KCNU1: variants seen among roughly 807,000 people sequenced by gnomAD.
The protein encoded by KCNU1 is potassium calcium-activated channel subfamily U member 1.
In KCNU1, 93 loss-of-function variants were observed where a neutral mutation model predicts 126.8. That is an observed-to-expected ratio of 0.73 (90% CI 0.62 to 0.87). The LOEUF (loss-of-function observed/expected upper bound fraction) is 0.87, where lower values mean the gene tolerates loss of function less well. Among genes scored for constraint, KCNU1 ranks in the 40% least tolerant of loss-of-function variants. The probability of loss-of-function intolerance (pLI) is 0.00; values close to 1 mark genes in which losing one functional copy is unlikely to be tolerated. For synonymous variants in KCNU1, 523 were observed against 494.2 expected, an observed-to-expected ratio of 1.06 and a Z score of -0.77; for missense variants, 1,330 against 1,367.1, an observed-to-expected ratio of 0.97 and a Z score of 0.43.
At chr8:36,894,932 G>C (rs1807125467) in intron 19 of KCNU1, among the ~76,000 whole-genome samples, 1 of 152,070 alleles carries the variant, frequency 6.6e-6, no homozygotes, top group Admixed American at 6.6e-5. Flanking sequence ...TTTATCATGA[G>C]TTATTGAACC....
chr8:36,836,346 T>C lies in KCNU1; in HGVS notation c.1346T>C (p.Ile449Thr). 2 of 1,602,416 alleles carry C rather than the reference T, an allele frequency of 1.2e-6. No homozygotes were observed. Among genetic ancestry groups the C allele is most frequent in the South Asian group, 1.1e-5 (1 of 90,866 alleles). The change falls in exon 13 of 27, where the codon ATA becomes ACA. Residue 449 changes from isoleucine to threonine, a missense_variant. Coordinates refer to ENST00000399881, the MANE Select transcript of KCNU1 (RefSeq NM_001031836.3). ...YDSTTRIIIQ[I>T]LQSHNKVYLP... ...TCTACCACCAGAATCATCATACAGA[T>C]ACTGCAATCCCATAACAAGGTATAG...
chr8:36,852,203 T>A (rs1805375087), intron 18 of KCNU1, among the ~76,000 whole-genome samples: 1 of 152,198 alleles, frequency 6.6e-6, no homozygotes, highest in Non-Finnish European at 1.5e-5. Flanking sequence ...ACTCACCTTG[T>A]ATTTCTGAGA....
chr8:36,815,156 T>C (rs1803862096), intron 8 of KCNU1, among the ~76,000 whole-genome samples: 1 of 151,962 alleles, frequency 6.6e-6, no homozygotes, highest in Admixed American at 6.6e-5. Flanking sequence ...CATGGAGGCA[T>C]TCCATCTCTA....
chr8:36,823,836 CTTTTTT>C (rs11364462), intron 10 of KCNU1, among the ~76,000 whole-genome samples: 1 of 129,402 alleles, frequency 7.7e-6, no homozygotes, highest in Non-Finnish European at 1.6e-5. Context: ...TTGTTCAAAC[CTTTTTT>C]TTTTTTTTTT....
intron 19 of KCNU1, among the ~76,000 whole-genome samples, chr8:36,867,371 C>A (rs1374511308): frequency 1.3e-5 from 2 of 152,080 alleles, no homozygotes; most frequent in Non-Finnish European, 2.9e-5. Context: ...AGCTAGCCAG[C>A]CTGACGAGAG....
Position 36,806,328 on chromosome 8 carries a change from C to A in KCNU1, c.528C>A (p.Ile176=). Residue 176 remains isoleucine (I), a synonymous_variant, in exon 5 of 27, where the codon ATC becomes ATA. Transcript: ENST00000399881. ...FWLEMNSIVD[I]FTIPPTFISY... ...TGGAGATGAATTCAATCGTAGACATCTTTACCATCCCACCAACCTTTATTT... is the reference window on the plus strand; with the variant it reads ...TGGAGATGAATTCAATCGTAGACATATTTACCATCCCACCAACCTTTATTT... 1.9e-6 allele frequency: 3 copies of A among 1,611,618 alleles called. No individual in the cohort carries two copies. Among genetic ancestry groups the A allele is most frequent in the East Asian group, 2.2e-5 (1 of 44,664 alleles).
chr8:36,794,051 C>T (rs1312274763), intron 2 of KCNU1, among the ~76,000 whole-genome samples: 1 of 107,014 alleles, frequency 9.3e-6, no homozygotes, highest in Non-Finnish European at 1.7e-5. Flanking sequence ...GAGACTCTGT[C>T]TCTCAAAAAA....
At chr8:36,828,765 C>T (rs1804417715) in intron 10 of KCNU1, among the ~76,000 whole-genome samples, 1 of 151,898 alleles carries the variant, frequency 6.6e-6, no homozygotes, top group Non-Finnish European at 1.5e-5. Context: ...TGTTTATGTG[C>T]ATTTGTGCTT....
chr8:36,790,219 CCA>C (rs1309776794), intron 2 of KCNU1, among the ~76,000 whole-genome samples: 1 of 151,876 alleles, frequency 6.6e-6, no homozygotes, highest in African/African-American at 2.4e-5. Flanking sequence ...ATGTAACAAA[CCA>C]CAAAGAAGAT....
intron 10 of KCNU1, 139 bp from the exon 11 acceptor site, chr8:36,833,415 A>G: frequency 2.2e-6 from 1 of 461,704 alleles, no homozygotes; most frequent in Non-Finnish European, 4.0e-6. Flanking sequence ...TTTTTAAAAA[A>G]ATAGTATTAA....
At chr8:36,785,670 A>G (rs1406509833) in intron 1 of KCNU1, among the ~76,000 whole-genome samples, 2 of 152,194 alleles carry the variant, frequency 1.3e-5, no homozygotes, top group Admixed American at 6.5e-5. Flanking sequence ...GGATACTGAC[A>G]TATGGGTAAA....
intron 19 of KCNU1, among the ~76,000 whole-genome samples, chr8:36,898,886 A>G (rs1328109457): frequency 2.6e-5 from 4 of 152,034 alleles, no homozygotes; most frequent in Non-Finnish European, 5.9e-5. Context: ...CCCTGAGCTG[A>G]GGGCACAGAC....
intron 11 of KCNU1, among the ~76,000 whole-genome samples, chr8:36,834,108 T>C (rs942068089): frequency 4.6e-5 from 7 of 152,160 alleles, no homozygotes; most frequent in Admixed American, 2.0e-4. Context: ...AGTAGAAATC[T>C]CATTAAAGTT....
At chr8:36,821,709 C>T (rs187650386) in intron 10 of KCNU1, among the ~76,000 whole-genome samples, 21 of 152,174 alleles carry the variant, frequency 1.4e-4, no homozygotes, top group Admixed American at 5.2e-4. Flanking sequence ...GTTTATGATG[C>T]TTTGACTTAA....
At chr8:36,824,462 A>G (rs1009325276) in intron 10 of KCNU1, among the ~76,000 whole-genome samples, 16 of 152,170 alleles carry the variant, frequency 1.1e-4, no homozygotes, top group African/African-American at 3.9e-4. Context: ...AAATGTTATT[A>G]TAGGCATGTA....
At chr8:36,931,703 C>G (rs1808707905) in intron 25 of KCNU1, among the ~76,000 whole-genome samples, 1 of 151,984 alleles carries the variant, frequency 6.6e-6, no homozygotes, top group Non-Finnish European at 1.5e-5. Flanking sequence ...CCTACTCTCC[C>G]TATACTTAAA....
chr8:36,933,203 G>A (rs1808754409), intron 26 of KCNU1, among the ~76,000 whole-genome samples, 171 bp downstream of exon 26: 1 of 151,910 alleles, frequency 6.6e-6, no homozygotes, highest in Non-Finnish European at 1.5e-5. Flanking sequence ...TAAACAAGGG[G>A]GACCTGAATA....
intron 7 of KCNU1, among the ~76,000 whole-genome samples, chr8:36,810,287 C>T (rs1256997274): frequency 1.3e-5 from 2 of 151,938 alleles, no homozygotes; most frequent in African/African-American, 4.8e-5. Context: ...TATAGCTTCT[C>T]CCTATGTACA....
intron 10 of KCNU1, among the ~76,000 whole-genome samples, chr8:36,820,152 C>A (rs1246719583): frequency 6.6e-6 from 1 of 152,160 alleles, no homozygotes; most frequent in Non-Finnish European, 1.5e-5. Context: ...TACGTGGATG[C>A]CCCTAGTCAA....
Sources: allele counts gnomAD v4.1 joint callset (sites outside exome capture counted in the v4.1 genomes callset), GRCh38; gene constraint gnomAD v4.1.1; transcripts MANE v1.5; gene names NCBI Gene and HGNC (gene_info 2026-07-23, HGNC 2026-07-21).